WDR70: variants seen among roughly 807,000 people sequenced by gnomAD.
The protein encoded by WDR70 is WD repeat domain 70.
A neutral mutation model predicts 88.6 loss-of-function variants in WDR70; 53 were observed. That is an observed-to-expected ratio of 0.60 (90% CI 0.48 to 0.75). WDR70 has a LOEUF of 0.75. Among genes scored for constraint, WDR70 ranks in the 30% least tolerant of loss-of-function variants. WDR70 has a pLI of 0.00. For synonymous variants in WDR70, 280 were observed against 270.0 expected (o/e 1.04, Z -0.36); for missense variants, 610 against 823.2 (o/e 0.74, Z 3.17).
chr5:37,397,717 G>A (rs1749061891), intron 5 of WDR70, among the ~76,000 whole-genome samples: 1 of 152,202 alleles, frequency 6.6e-6, no homozygotes, highest in African/African-American at 2.4e-5. Context: ...TTGCCCGGCA[G>A]GGCATAGTGG....
At chr5:37,642,336 G>A (rs1032624144) in intron 10 of WDR70, among the ~76,000 whole-genome samples, 1 of 152,060 alleles carries the variant, frequency 6.6e-6, no homozygotes, top group Non-Finnish European at 1.5e-5. Context: ...ACTGAAGATA[G>A]TAATTTAAAT....
At chr5:37,683,667 C>T (rs968292074) in intron 10 of WDR70, among the ~76,000 whole-genome samples, 15 of 152,198 alleles carry the variant, frequency 9.9e-5, no homozygotes, top group African/African-American at 3.6e-4. Flanking sequence ...TGAATATTGG[C>T]TCCCAGTCTC....
At chr5:37,479,134 G>T (rs1739576118) in intron 7 of WDR70, among the ~76,000 whole-genome samples, 1 of 152,120 alleles carries the variant, frequency 6.6e-6, no homozygotes. Context: ...CCATTGTAAT[G>T]AAAGAGGAGG....
At chr5:37,447,866 A>G (rs932420370) in intron 7 of WDR70, among the ~76,000 whole-genome samples, 3 of 152,202 alleles carry the variant, frequency 2.0e-5, no homozygotes, top group African/African-American at 7.2e-5. Flanking sequence ...CAGCACACCA[A>G]CATGGCACAT....
Position 37,417,839 on chromosome 5 carries a change from G to A in WDR70, c.493-20083G>A, listed in dbSNP as rs578062633. On this transcript the variant is annotated intron_variant, in intron 5 of 17. Transcript: ENST00000265107. The stretch of plus-strand genomic sequence containing the variant: ...TGGGATTATAGACATGAACCACTGC[G>A]CCCAATACAAGTTATTTTAATGTCC... Among the ~76,000 whole-genome samples, 8 of 152,244 alleles carry A rather than the reference G, an allele frequency of 5.3e-5. No individual in the cohort carries two copies. In the South Asian group the frequency reaches 6.2e-4, roughly 12 times the overall value.
intron 10 of WDR70, among the ~76,000 whole-genome samples, chr5:37,607,414 A>G (rs1411274082): frequency 6.6e-6 from 1 of 152,142 alleles, no homozygotes; most frequent in East Asian, 1.9e-4. Context: ...TAAGTAAAAC[A>G]TTCATAATTG....
Position 37,686,136 on chromosome 5 carries a change from C to T in WDR70, c.1093-11519C>T, listed in dbSNP as rs78701126. On this transcript the variant is annotated intron_variant, in intron 10 of 17. Transcript: ENST00000265107. ...TGGGCGACAAAGTGAGACCACCCCC[C>T]GCCCCAGCTCTACAAAATAAAAGTA... Among the ~76,000 whole-genome samples the T allele has an allele frequency of 5.7e-3, 860 of 149,638 alleles. 7 individuals are homozygous for T. Among genetic ancestry groups the T allele is most frequent in the Non-Finnish European group, 8.7e-3 (587 of 67,246 alleles).
intron 10 of WDR70, among the ~76,000 whole-genome samples, chr5:37,678,769 A>T (rs1746317340): frequency 6.6e-6 from 1 of 152,134 alleles, no homozygotes; most frequent in Admixed American, 6.5e-5. Flanking sequence ...CTGAATCTGA[A>T]TGTTAGCCTG....
At chr5:37,444,110 C>G (rs531613197) in intron 7 of WDR70, among the ~76,000 whole-genome samples, 4 of 151,702 alleles carry the variant, frequency 2.6e-5, no homozygotes, top group Non-Finnish European at 2.9e-5. Context: ...GATTGCGCCA[C>G]TGCACTCCAT....
At chr5:37,655,705 T>C (rs750280058) in intron 10 of WDR70, among the ~76,000 whole-genome samples, 12 of 151,896 alleles carry the variant, frequency 7.9e-5, no homozygotes, top group Admixed American at 1.3e-4. Context: ...ATCTCTGATA[T>C]CCTTTCTTCT....
At chr5:37,599,252 T>C (rs1359798149) in intron 9 of WDR70, among the ~76,000 whole-genome samples, 2 of 152,196 alleles carry the variant, frequency 1.3e-5, no homozygotes, top group African/African-American at 4.8e-5. Context: ...CAGAGTAATG[T>C]TTATAAACAC....
At chr5:37,406,454 A>G (rs1341156983) in intron 5 of WDR70, among the ~76,000 whole-genome samples, 1 of 152,258 alleles carries the variant, frequency 6.6e-6, no homozygotes, top group Admixed American at 6.5e-5. Flanking sequence ...ATCGTGATTA[A>G]GAGAGTGAGT....
intron 8 of WDR70, among the ~76,000 whole-genome samples, chr5:37,501,357 T>C (rs1268412405): frequency 6.6e-6 from 1 of 152,216 alleles, no homozygotes; most frequent in Non-Finnish European, 1.5e-5. Context: ...CTAGGATTTC[T>C]TGTAGAATTT....
chr5:37,592,046 T>C (rs1301200609), intron 9 of WDR70, among the ~76,000 whole-genome samples: 1 of 152,202 alleles, frequency 6.6e-6, no homozygotes, highest in Non-Finnish European at 1.5e-5. Flanking sequence ...AGGGCATCTA[T>C]GAAAAACCTA....
rs375480522 is a variant in WDR70 at position 37,573,301 on chromosome 5, T to C, written c.918-31763T>C. 8.5e-5 allele frequency among the ~76,000 whole-genome samples: 13 copies of C among 152,312 alleles called. No individual in the cohort carries two copies. The East Asian group carries it at 1.5e-3, about 18-fold the overall frequency. ...TGGGTCATTTCAATCAACTTATTAATATCCGTCAGTAGCTCTCATTAAACA... is the reference window on the plus strand; with the variant it reads ...TGGGTCATTTCAATCAACTTATTAACATCCGTCAGTAGCTCTCATTAAACA... On this transcript the variant is annotated intron_variant, in intron 9 of 17. Transcript: ENST00000265107.
At chr5:37,440,277 GT>G (rs1196090464) in intron 6 of WDR70, among the ~76,000 whole-genome samples, 1 of 152,176 alleles carries the variant, frequency 6.6e-6, no homozygotes, top group Non-Finnish European at 1.5e-5. Flanking sequence ...GGAGGAGAGG[GT>G]GATACACATT....
intron 9 of WDR70, among the ~76,000 whole-genome samples, chr5:37,546,789 C>A (rs543625068): frequency 1.3e-5 from 2 of 152,096 alleles, no homozygotes; most frequent in Non-Finnish European, 2.9e-5. Context: ...CGTGGTGGCA[C>A]ACTCTGTAGT....
At chr5:37,439,653 C>G (rs1191344034) in intron 6 of WDR70, among the ~76,000 whole-genome samples, 2 of 144,866 alleles carry the variant, frequency 1.4e-5, no homozygotes, top group Non-Finnish European at 3.0e-5. Context: ...GCAATCCTGC[C>G]TTTGTTCTAC....
chr5:37,717,137 A>G (rs1747675577), intron 13 of WDR70, among the ~76,000 whole-genome samples: 1 of 152,214 alleles, frequency 6.6e-6, no homozygotes, highest in African/African-American at 2.4e-5. Flanking sequence ...GCTTTGGTTT[A>G]AAAGAATAAG....
Sources: allele counts gnomAD v4.1 joint callset (sites outside exome capture counted in the v4.1 genomes callset), GRCh38; gene constraint gnomAD v4.1.1; transcripts MANE v1.5; gene names NCBI Gene and HGNC (gene_info 2026-07-23, HGNC 2026-07-21).